The following HGSNAT variants were observed in gnomAD, a reference collection of about 807,000 sequenced individuals.
The protein encoded by HGSNAT is transmembrane protein 76.
Under a neutral mutation model 85.2 loss-of-function variants are expected in HGSNAT, and 59 were observed. The ratio of observed to expected loss-of-function variants is 0.69; its 90% CI spans 0.56 to 0.86. HGSNAT has a LOEUF of 0.86. HGSNAT is among the 40% of genes least tolerant of loss of function. The pLI is 0.00. For synonymous variants in HGSNAT, 321 were observed against 304.5 expected, an observed-to-expected ratio of 1.05 and a Z score of -0.56; for missense variants, 756 against 777.1, an observed-to-expected ratio of 0.97 and a Z score of 0.32.
intron 13 of HGSNAT, among the ~76,000 whole-genome samples, chr8:43,193,300 T>C (rs1189265734): frequency 6.6e-6 from 1 of 152,232 alleles, no homozygotes; most frequent in African/African-American, 2.4e-5. Flanking sequence ...ATTTCTGCAG[T>C]AACATTTATT....
At chr8:43,188,708 T>C (rs999662140) in intron 11 of HGSNAT, among the ~76,000 whole-genome samples, 5 of 152,222 alleles carry the variant, frequency 3.3e-5, no homozygotes, top group South Asian at 2.1e-4. Flanking sequence ...CTGCGTTCCT[T>C]TGGAGGAGAA....
Position 43,199,555 on chromosome 8 carries a change from T to G in HGSNAT, c.1894T>G (p.Phe632Val). The change falls in exon 18 of 18, where the codon TTT becomes GTT. Residue 632 changes from phenylalanine to valine, a missense_variant. Physicochemically the swap from Phe to Val is conservative, Grantham distance 50. Coordinates refer to ENST00000379644, the MANE Select transcript of HGSNAT (RefSeq NM_152419.3). The part of the protein sequence containing the change: ...IAYILYRKKI[F>V]WKI ...CTACATCCTCTATAGAAAGAAGATTTTTTGGAAAATCTGATGGCTCCCACT... is the reference window on the plus strand; with the variant it reads ...CTACATCCTCTATAGAAAGAAGATTGTTTGGAAAATCTGATGGCTCCCACT... 2.6e-6 allele frequency: 4 copies of G among 1,547,094 alleles called. No individual in the cohort carries two copies. Among genetic ancestry groups the G allele is most frequent in the Non-Finnish European group, 3.5e-6 (4 of 1,145,270 alleles).
intron 5 of HGSNAT, among the ~76,000 whole-genome samples, chr8:43,168,318 A>G (rs1402608780): frequency 6.7e-6 from 1 of 148,378 alleles, no homozygotes; most frequent in African/African-American, 2.5e-5. Flanking sequence ...CAGTGTGCAC[A>G]TATGCATTTT....
rs1468452080 is a variant in HGSNAT, at chr8:43,172,131, T to G, written c.744-179T>G. Among the ~76,000 whole-genome samples, 3 of 152,376 alleles carry G rather than the reference T, an allele frequency of 2.0e-5. No individual in the cohort carries two copies. In the East Asian group the frequency reaches 5.8e-4, roughly 29 times the overall value. Reference sequence around the variant, plus strand: ...TCCTAACTGTAGTGCATGGTCCTAATTGCGATGACTAGAAAATAATCGCTT... The same window carrying G: ...TCCTAACTGTAGTGCATGGTCCTAAGTGCGATGACTAGAAAATAATCGCTT... On this transcript the variant is annotated intron_variant, in intron 7 of 17. Transcript: ENST00000379644.
Position 43,191,559 on chromosome 8 carries a change from G to C in HGSNAT, c.1214G>C (p.Gly405Ala), listed in dbSNP as rs754057776. 1 of 1,613,986 alleles carries C rather than the reference G, an allele frequency of 6.2e-7. No homozygotes were observed. The highest frequency in any genetic ancestry group is 2.2e-5 in the East Asian group (1 of 44,882). ...CTGGTGCTGGAAGGCCTGTGGCTGG[G>C]CTTGACATTCCTCCTGCCAGTCCCT... The part of the protein sequence containing the change: ...LILVLEGLWL[G>A]LTFLLPVPGC... The change falls in exon 12 of 18, where the codon GGC becomes GCC. Residue 405 changes from glycine (G) to alanine (A), a missense_variant. Physicochemically the swap from Gly to Ala is moderately conservative, Grantham distance 60. Coordinates refer to ENST00000379644, the MANE Select transcript of HGSNAT (RefSeq NM_152419.3).
At chr8:43,196,432 C>T in intron 14 of HGSNAT, 5 of 1,289,052 alleles carry the variant, frequency 3.9e-6, no homozygotes, top group Non-Finnish European at 5.1e-6. Context: ...CTTCCTAGTG[C>T]TGCCCAGACT....
chr8:43,169,159 T>G lies in HGSNAT; in HGVS notation c.564-14T>G. The G allele has an allele frequency of 6.7e-7, 1 of 1,491,444 alleles. No homozygotes were observed. 92.4% of individuals were successfully genotyped at this position (1,491,444 alleles called of 1,614,324 possible). On this transcript the variant is annotated splice_polypyrimidine_tract_variant and intron_variant, in intron 5 of 17. Coordinates refer to ENST00000379644, the MANE Select transcript of HGSNAT (RefSeq NM_152419.3). ...AATGAAAATAAATTAATTGAGCCCT[T>G]TATTTATTTTCAGTTTGGATGACTT...
At chr8:43,188,194 T>C (rs2130797355) in intron 11 of HGSNAT, among the ~76,000 whole-genome samples, 1 of 152,346 alleles carries the variant, frequency 6.6e-6, no homozygotes, top group East Asian at 1.9e-4. Context: ...TGGCCTGCCT[T>C]GCTGGGTTGC....
chr8:43,143,952 C>G (rs1222132572), intron 1 of HGSNAT, among the ~76,000 whole-genome samples: 1 of 152,100 alleles, frequency 6.6e-6, no homozygotes, highest in African/African-American at 2.4e-5. Flanking sequence ...CATTAGAAAT[C>G]AGCACAACTG....
intron 8 of HGSNAT, 60 bp from the exon 9 acceptor site, chr8:43,173,653 G>A (rs1463664821): frequency 6.4e-7 from 1 of 1,566,320 alleles, no homozygotes; most frequent in Non-Finnish European, 8.7e-7. Context: ...GTCCACACTA[G>A]ATTTAGGAGG....
At chr8:43,175,045 T>A (rs1388392887) in intron 9 of HGSNAT, among the ~76,000 whole-genome samples, 2 of 151,844 alleles carry the variant, frequency 1.3e-5, no homozygotes, top group Admixed American at 1.3e-4. Context: ...CCATCCATGC[T>A]GTTGCACATG....
chr8:43,191,719 G>A, intron 12 of HGSNAT, 124 bp downstream of exon 12: 1 of 1,209,328 alleles, frequency 8.3e-7, no homozygotes, highest in Non-Finnish European at 1.2e-6. Flanking sequence ...TTTGAGGCCT[G>A]CTTTGCATGG....
intron 5 of HGSNAT, among the ~76,000 whole-genome samples, chr8:43,165,820 C>T (rs531927510): frequency 4.5e-4 from 69 of 152,290 alleles, no homozygotes; most frequent in African/African-American, 1.6e-3. Context: ...CCTGTAATCC[C>T]AGCTACTCTG....
intron 5 of HGSNAT, 50 bp downstream of exon 5, chr8:43,161,557 C>CTT (rs1803269567): frequency 7.0e-7 from 1 of 1,420,792 alleles, no homozygotes; most frequent in South Asian, 1.3e-5. Context: ...ATAGAAATAA[C>CTT]ACATTCAGAA....
At chr8:43,193,897 C>T in intron 14 of HGSNAT, 54 bp downstream of exon 14, 1 of 1,598,912 alleles carries the variant, frequency 6.3e-7, no homozygotes, top group Non-Finnish European at 8.6e-7. Flanking sequence ...ATATTTTATT[C>T]ACTCATTTAA....
chr8:43,159,109 G>A (rs896106505), intron 4 of HGSNAT, 65 bp downstream of exon 4: 1 of 1,554,984 alleles, frequency 6.4e-7, no homozygotes, highest in African/African-American at 1.4e-5. Context: ...TTTGAGTACT[G>A]TTTGTAAAGC....
At chr8:43,197,771 G>C (rs748417972) in intron 16 of HGSNAT, 29 bp downstream of exon 16, 1 of 1,599,396 alleles carries the variant, frequency 6.3e-7, no homozygotes, top group South Asian at 1.1e-5. Context: ...TGATTTTATG[G>C]ATGACTGTTC....
chr8:43,172,246 C>A, intron 7 of HGSNAT, 64 bp from the exon 8 acceptor site: 1 of 1,093,682 alleles, frequency 9.1e-7, no homozygotes, highest in African/African-American at 1.5e-5. Flanking sequence ...AATGTGTCTT[C>A]AGTTCAGCCC....
chr8:43,158,855 T>C lies in HGSNAT; in HGVS notation c.372-68T>C. ...AACATGTATTATTCTGCCTCCATGA[T>C]ATTAGCAAAATCCAACTTCTTATTT... On this transcript the variant is annotated intron_variant, in intron 3 of 17. Coordinates refer to ENST00000379644, the MANE Select transcript of HGSNAT (RefSeq NM_152419.3). The C allele has an allele frequency of 2.6e-6, 4 of 1,546,314 alleles. 1 individual carries two copies. In the Admixed American group the frequency reaches 7.3e-5, roughly 28 times the overall value.
Sources: gnomAD v4.1 joint callset for allele counts (sites outside exome capture counted in the v4.1 genomes callset) on GRCh38, gnomAD v4.1.1 for gene constraint, MANE v1.5 for transcripts, NCBI Gene and HGNC (gene_info 2026-07-23, HGNC 2026-07-21) for gene names.